The following HPGD variants were observed in gnomAD, a reference collection of about 807,000 sequenced individuals.
HPGD encodes 15-hydroxyprostaglandin dehydrogenase [NAD(+)].
In HPGD, 29 loss-of-function variants were observed where a neutral mutation model predicts 30.0. The observed-to-expected ratio is 0.97, with a 90% CI of 0.72 to 1.32. The LOEUF (loss-of-function observed/expected upper bound fraction) is 1.32, where lower values mean the gene tolerates loss of function less well. HPGD is among the 40% of genes most tolerant of loss of function. The pLI, the probability that HPGD is intolerant of heterozygous loss-of-function variation, is 0.00. For missense variants in HPGD, 340 were observed against 322.1 expected, an observed-to-expected ratio of 1.06 and a Z score of -0.43; for synonymous variants, 99 against 112.4, an observed-to-expected ratio of 0.88 and a Z score of 0.75.
At chr4:174,497,572 T>TCC (rs1560976946) in intron 4 of HPGD, among the ~76,000 whole-genome samples, 1 of 9,640 alleles carries the variant, frequency 1.0e-4, no homozygotes, top group African/African-American at 1.8e-4. Flanking sequence ...TTCTTTCTTT[T>TCC]TTTTTTTTTT....
At chr4:174,500,246 A>G (rs1478694028) in intron 4 of HPGD, among the ~76,000 whole-genome samples, 1 of 152,272 alleles carries the variant, frequency 6.6e-6, no homozygotes, top group East Asian at 1.9e-4. Context: ...TAAAATTTAA[A>G]TGCTGAAGAC....
At chr4:174,502,635 G>A (rs570107092) in intron 4 of HPGD, among the ~76,000 whole-genome samples, 2 of 125,318 alleles carry the variant, frequency 1.6e-5, no homozygotes, top group East Asian at 5.3e-4. Context: ...CCGAGATTGC[G>A]CCACCGCACT....
At chr4:174,517,030 G>T (rs1735814493) in intron 3 of HPGD, among the ~76,000 whole-genome samples, 1 of 152,118 alleles carries the variant, frequency 6.6e-6, no homozygotes. Flanking sequence ...TGGCCAAATT[G>T]TACTCTACAA....
intron 6 of HPGD, 148 bp downstream of exon 6, chr4:174,493,003 T>C (rs1734412658): frequency 1.5e-6 from 1 of 657,768 alleles, no homozygotes; most frequent in African/African-American, 1.8e-5. Context: ...CAGAAAAATA[T>C]ATTTTCTCCC....
intron 3 of HPGD, among the ~76,000 whole-genome samples, chr4:174,512,021 A>G (rs1015878346): frequency 1.3e-5 from 2 of 152,212 alleles, no homozygotes; most frequent in Non-Finnish European, 2.9e-5. Flanking sequence ...AGGAGGAAGT[A>G]TAAAATAGCC....
At chr4:174,508,545 T>C in intron 4 of HPGD, 151 bp downstream of exon 4, 1 of 637,620 alleles carries the variant, frequency 1.6e-6, no homozygotes, top group Non-Finnish European at 2.8e-6. Context: ...AAACTTTTGA[T>C]ATTTTGCAAT....
chr4:174,504,777 C>T (rs1348002812), intron 4 of HPGD, among the ~76,000 whole-genome samples: 2 of 152,010 alleles, frequency 1.3e-5, no homozygotes, highest in Admixed American at 6.6e-5. Context: ...CGCGCCATTG[C>T]ACTCCAGCCT....
chr4:174,501,475 T>C (rs762157508), intron 4 of HPGD, among the ~76,000 whole-genome samples: 14 of 152,304 alleles, frequency 9.2e-5, no homozygotes, highest in Non-Finnish European at 8.8e-5. Flanking sequence ...GAACAGTATT[T>C]TTCAGTACCT....
rs531841603 is a variant in HPGD at position 174,492,891 on chromosome 4, G to A, written c.662+260C>T. ...CAGAGAAGGTATCATTGCCTTCAAA[G>A]GTGACTAAATATCAACTTTATGACT... On this transcript the variant is annotated intron_variant, in intron 6 of 6. Transcript: ENST00000296522. The surrounding 1 kb of genome is among the most constrained non-coding windows in gnomAD (Gnocchi z 4.9). Among the ~76,000 whole-genome samples the A allele has an allele frequency of 6.6e-6, 1 of 152,122 alleles. No individual in the cohort carries two copies. The highest frequency in any genetic ancestry group is 1.5e-5 in the Non-Finnish European group (1 of 67,944).
chr4:174,501,928 C>T (rs1734921368), intron 4 of HPGD, among the ~76,000 whole-genome samples: 1 of 152,118 alleles, frequency 6.6e-6, no homozygotes, highest in Admixed American at 6.5e-5. Flanking sequence ...CAGAAACCTC[C>T]TCAGACAGGG....
In HPGD at chr4:174,491,993, T is replaced by G. The variant is rs1048660285; in HGVS notation, c.764A>C (p.Asp255Ala). Residue 255 changes from aspartate (D) to alanine (A), a missense_variant, in exon 7 of 7, where the codon GAC becomes GCC. By Grantham distance (126) the Asp-to-Ala change is moderately radical (BLOSUM62 -2). Coordinates refer to ENST00000296522, the MANE Select transcript of HPGD (RefSeq NM_000860.6). ...ITTSKGIHFQ[D>A]YDTTPFQAKT... ...TGCTTGAAATGGAGTTGTATCATAGTCTTGAAAATGAATTCCCTTAGAAGT... is the reference window on the plus strand; with the variant it reads ...TGCTTGAAATGGAGTTGTATCATAGGCTTGAAAATGAATTCCCTTAGAAGT... The G allele has an allele frequency of 6.8e-6, 11 of 1,611,862 alleles. No homozygotes were observed. The Admixed American group carries it at 1.2e-4, about 17-fold the overall frequency.
In HPGD at chr4:174,490,843, G is replaced by A. The variant is rs576653876; in HGVS notation, c.*1113C>T. Reference sequence around the variant, plus strand: ...AGAAAACGACTGATTTGGAAATCTTGTGCTTTCACTGTTACTAGTGTTAAT... The same window carrying A: ...AGAAAACGACTGATTTGGAAATCTTATGCTTTCACTGTTACTAGTGTTAAT... On this transcript the variant is annotated 3_prime_UTR_variant, in exon 7 of 7. Transcript: ENST00000296522. This position sits in a 1 kb window ranked among gnomAD's most constrained non-coding sequence, Gnocchi z 4.4. The A allele has an allele frequency of 4.6e-5, 7 of 152,362 alleles. No homozygotes were observed. The highest frequency in any genetic ancestry group is 4.6e-4 in the Admixed American group (7 of 15,296). The allele number at this position is 152,362 out of a possible 1,614,324, so 9.4% of individuals were successfully genotyped here.
At chr4:174,512,069 A>G (rs1012105505) in intron 3 of HPGD, among the ~76,000 whole-genome samples, 1 of 152,172 alleles carries the variant, frequency 6.6e-6, no homozygotes, top group African/African-American at 2.4e-5. Flanking sequence ...TTTAGTGGGA[A>G]GAAGGATGAG....
Position 174,508,811 on chromosome 4 carries a change from T to C in HPGD, c.325-19A>G, listed in dbSNP as rs1735321585. 7.7e-7 allele frequency: 1 copy of C among 1,303,716 alleles called. No individual in the cohort carries two copies. The highest frequency in any genetic ancestry group is 1.1e-6 in the Non-Finnish European group (1 of 897,976). The allele number at this position is 1,303,716 out of a possible 1,614,324, so 80.8% of individuals were successfully genotyped here. A position where few individuals can be genotyped will look rare whatever the true frequency, so the allele number is the denominator to read the frequency against. On this transcript the variant is annotated intron_variant, in intron 3 of 6. Transcript: ENST00000296522. The stretch of plus-strand genomic sequence containing the variant: ...CAGAAACCTAATCCAGAGGCATAAG[T>C]GAGAAAAGGAATACAGTCATTATCC...
At chr4:174,508,482 TAAG>T (rs1403149685) in intron 4 of HPGD, among the ~76,000 whole-genome samples, 3 of 152,262 alleles carry the variant, frequency 2.0e-5, no homozygotes, top group African/African-American at 7.2e-5. Context: ...ATTACTGCAG[TAAG>T]ATAACTTTAA....
chr4:174,498,174 C>T (rs1015555302), intron 4 of HPGD, among the ~76,000 whole-genome samples: 1 of 149,076 alleles, frequency 6.7e-6, no homozygotes, highest in Non-Finnish European at 1.5e-5. Flanking sequence ...TCTTGAACTA[C>T]TGAGCTCAAG....
In HPGD at chr4:174,519,074, A is replaced by T. The variant is rs191379225; in HGVS notation, c.218-997T>A. Among the ~76,000 whole-genome samples, 9 of 152,358 alleles carry T rather than the reference A, an allele frequency of 5.9e-5. No individual in the cohort carries two copies. The East Asian group carries it at 1.7e-3, about 29-fold the overall frequency. On this transcript the variant is annotated intron_variant, in intron 2 of 6. Transcript: ENST00000296522. ...ACAACCACCAGACATATTGGGGAAGACATGGATTAATCAGTTGCCATATAG... is the reference window on the plus strand; with the variant it reads ...ACAACCACCAGACATATTGGGGAAGTCATGGATTAATCAGTTGCCATATAG...
intron 2 of HPGD, 44 bp from the exon 3 acceptor site, chr4:174,518,121 T>C (rs757724337): frequency 1.0e-5 from 10 of 954,036 alleles, no homozygotes; most frequent in Non-Finnish European, 1.7e-5. Flanking sequence ...TTATTTTCCA[T>C]GTATACATTT....
chr4:174,517,998 G>GT lies in HPGD; in HGVS notation c.296dup (p.Asn99LysfsTer9). On this transcript the variant is annotated frameshift_variant, in exon 3 of 7. Transcript: ENST00000296522. LOFTEE classifies it high-confidence loss of function. ...AATTAATTTGCAGAGTTTTTTCCCA[G>GT]TTTTTCTCATTATTCACTCCAGCAT... is the stretch of plus-strand genomic sequence containing the variant. The GT allele has an allele frequency of 1.3e-6, 2 of 1,594,618 alleles. No homozygotes were observed. Among genetic ancestry groups the GT allele is most frequent in the Non-Finnish European group, 1.7e-6 (2 of 1,162,698 alleles).
Sources: gnomAD v4.1 joint callset for allele counts (sites outside exome capture counted in the v4.1 genomes callset) on GRCh38, gnomAD v4.1.1 for gene constraint, Gnocchi (gnomAD v3.1) non-coding constraint, MANE v1.5 for transcripts, NCBI Gene and HGNC (gene_info 2026-07-23, HGNC 2026-07-21) for gene names.